The following CDH13 variants were observed in gnomAD, a reference collection of about 807,000 sequenced individuals.
CDH13 encodes the protein cadherin 13, also known as cadherin-13.
CDH13 carries 24 observed loss-of-function variants against 63.8 expected under a neutral mutation model. The ratio of observed to expected loss-of-function variants is 0.38; its 90% CI spans 0.27 to 0.53. CDH13 has a LOEUF of 0.53. Among genes scored for constraint, CDH13 ranks in the 20% least tolerant of loss-of-function variants. CDH13 has a pLI of 0.85. For missense variants in CDH13, 1,049 were observed against 903.1 expected (o/e 1.16, Z -2.07); for synonymous variants, 503 against 355.3 (o/e 1.42, Z -4.67).
At chr16:83,503,351 C>A (rs1426374104) in intron 7 of CDH13, among the ~76,000 whole-genome samples, 1 of 152,160 alleles carries the variant, frequency 6.6e-6, no homozygotes, top group East Asian at 1.9e-4. Flanking sequence ...TTTGCTAATA[C>A]TTTTACCTAA....
chr16:82,719,001 G>A (rs1460297519), intron 1 of CDH13, among the ~76,000 whole-genome samples: 2 of 152,188 alleles, frequency 1.3e-5, no homozygotes, highest in African/African-American at 2.4e-5. Flanking sequence ...TGATGCCTGT[G>A]CCTTGACATT....
intron 6 of CDH13, among the ~76,000 whole-genome samples, chr16:83,384,707 C>G (rs1208821871): frequency 6.6e-6 from 1 of 152,142 alleles, no homozygotes; most frequent in Admixed American, 6.5e-5. Context: ...GTGTGCAGGG[C>G]CACATGGCAA....
rs1567501380 is a variant in CDH13, at chr16:82,754,293, GA to G, written c.46-104066del. On this transcript the variant is annotated intron_variant, in intron 1 of 13. Coordinates refer to ENST00000567109, the MANE Select transcript of CDH13 (RefSeq NM_001257.5). ...TCTCCTTGATGATCATTCCCACATAGAAATGGAACTGCATTAATAATGATTG... is the reference window on the plus strand; with the variant it reads ...TCTCCTTGATGATCATTCCCACATAGAATGGAACTGCATTAATAATGATTG... Among the ~76,000 whole-genome samples, 9 of 152,172 alleles carry G rather than the reference GA, an allele frequency of 5.9e-5. No individual in the cohort carries two copies. In the South Asian group the frequency reaches 1.9e-3, roughly 32 times the overall value.
chr16:83,171,657 T>A (rs1294625347), intron 4 of CDH13: 1 of 1,060,072 alleles, frequency 9.4e-7, no homozygotes, highest in Non-Finnish European at 1.4e-6. Flanking sequence ...TCAGGGGATT[T>A]AGTGACACTG....
At chr16:83,522,931 C>T (rs2074873828) in intron 7 of CDH13, among the ~76,000 whole-genome samples, 1 of 152,210 alleles carries the variant, frequency 6.6e-6, no homozygotes, top group South Asian at 2.1e-4. Context: ...ACACCAAGTC[C>T]CTTTCAGACT....
chr16:83,530,100 C>T (rs2075050873), intron 7 of CDH13, among the ~76,000 whole-genome samples: 1 of 152,162 alleles, frequency 6.6e-6, no homozygotes, highest in East Asian at 1.9e-4. Context: ...ACCCATGGCT[C>T]TGCGTACCTG....
At chr16:83,065,063 A>G (rs79245360) in intron 3 of CDH13, among the ~76,000 whole-genome samples, 7,275 of 151,954 alleles carry the variant, frequency 0.048, 288 homozygotes, top group Admixed American at 0.13. Flanking sequence ...CTAGGAGTTT[A>G]GCTTTATTTG....
At chr16:83,024,924 G>C (rs1029871159) in intron 2 of CDH13, among the ~76,000 whole-genome samples, 3 of 152,180 alleles carry the variant, frequency 2.0e-5, no homozygotes, top group Admixed American at 6.5e-5. Context: ...GCCTGAATCA[G>C]AATCATCAGC....
At chr16:83,429,511 G>GACACACAC (rs71148834) in intron 6 of CDH13, among the ~76,000 whole-genome samples, 19,877 of 149,008 alleles carry the variant, frequency 0.13, 1,678 homozygotes, top group Non-Finnish European at 0.2. Flanking sequence ...AGACAATGAA[G>GACACACAC]ACACACACAC....
chr16:82,673,023 G>C (rs56347388), intron 1 of CDH13, among the ~76,000 whole-genome samples: 1 of 6,534 alleles, frequency 1.5e-4, no homozygotes, highest in African/African-American at 6.6e-4. Flanking sequence ...TTTTTTTGTA[G>C]AGATGATGGG....
chr16:82,814,574 G>A (rs892846061), intron 1 of CDH13, among the ~76,000 whole-genome samples: 7 of 152,130 alleles, frequency 4.6e-5, no homozygotes, highest in Non-Finnish European at 8.8e-5. Context: ...CCCACAGAGG[G>A]CATGGAAGCT....
intron 2 of CDH13, among the ~76,000 whole-genome samples, chr16:82,896,588 G>T (rs914178253): frequency 6.6e-6 from 1 of 151,742 alleles, no homozygotes; most frequent in South Asian, 2.1e-4. Flanking sequence ...GAGCCAAGGT[G>T]CCCAGCTCCA....
At chr16:83,228,551 C>T (rs1414772551) in intron 5 of CDH13, among the ~76,000 whole-genome samples, 5 of 152,186 alleles carry the variant, frequency 3.3e-5, no homozygotes, top group Non-Finnish European at 5.9e-5. Flanking sequence ...ACAGGTTCAG[C>T]CTTCGGAAGG....
rs112825546 is a variant in CDH13, at chr16:82,849,785, C to A, written c.46-8577C>A. Among the ~76,000 whole-genome samples the A allele has an allele frequency of 5.3e-3, 805 of 152,294 alleles. 7 individuals are homozygous for A. The highest frequency in any genetic ancestry group is 0.017 in the African/African-American group (710 of 41,562). On this transcript the variant is annotated intron_variant, in intron 1 of 13. Coordinates refer to ENST00000567109, the MANE Select transcript of CDH13 (RefSeq NM_001257.5). ...AATGCTTATTCACCATTGCAAACAT[C>A]TTAGGGCCCTTAAGAATTGTGCTGA...
At chr16:82,819,716 C>T (rs1447144074) in intron 1 of CDH13, among the ~76,000 whole-genome samples, 3 of 152,230 alleles carry the variant, frequency 2.0e-5, no homozygotes, top group South Asian at 2.1e-4. Context: ...CTCCTCCTTT[C>T]TTCTTCAAAA....
chr16:82,707,747 T>G (rs2031606020), intron 1 of CDH13, among the ~76,000 whole-genome samples: 1 of 152,186 alleles, frequency 6.6e-6, no homozygotes. Context: ...TCACTAAATA[T>G]TTGTAGGTGA....
At chr16:83,430,973 C>T (rs919120299) in intron 6 of CDH13, among the ~76,000 whole-genome samples, 2 of 141,022 alleles carry the variant, frequency 1.4e-5, no homozygotes, top group Non-Finnish European at 1.5e-5. Context: ...CCCCCTCCCC[C>T]CACCTCACAA....
intron 7 of CDH13, among the ~76,000 whole-genome samples, chr16:83,504,496 C>G (rs979728898): frequency 6.6e-6 from 1 of 152,230 alleles, no homozygotes; most frequent in African/African-American, 2.4e-5. Flanking sequence ...TGGGAGGCAT[C>G]TGAGGCTTTG....
chr16:82,714,190 C>G (rs1303309028), intron 1 of CDH13, among the ~76,000 whole-genome samples: 3 of 152,156 alleles, frequency 2.0e-5, no homozygotes, highest in African/African-American at 7.2e-5. Flanking sequence ...CTTCTCTGCT[C>G]TTTGATGCCT....
Sources: gnomAD v4.1 joint callset for allele counts (sites outside exome capture counted in the v4.1 genomes callset) on GRCh38, gnomAD v4.1.1 for gene constraint, MANE v1.5 for transcripts, NCBI Gene and HGNC (gene_info 2026-07-23, HGNC 2026-07-21) for gene names.